Variants in ARFGEF3 observed in about 807,000 individuals in gnomAD.
The protein encoded by ARFGEF3 is ARFGEF family member 3.
In ARFGEF3, 96 loss-of-function variants were observed where a neutral mutation model predicts 221.7. The observed-to-expected ratio is 0.43, with a 90% CI of 0.37 to 0.51. The LOEUF (loss-of-function observed/expected upper bound fraction) is 0.51, where lower values mean the gene tolerates loss of function less well. ARFGEF3 is among the 20% of genes least tolerant of loss of function. The probability of loss-of-function intolerance (pLI) is 0.00; values close to 1 mark genes in which losing one functional copy is unlikely to be tolerated. For synonymous variants in ARFGEF3, 1,145 were observed against 1,126.8 expected (o/e 1.02, Z -0.32); for missense variants, 2,410 against 2,789.9 (o/e 0.86, Z 3.07).
rs766208739 is a variant in ARFGEF3 at position 138,334,063 on chromosome 6, C to A, written c.5217C>A (p.Gly1739=). The change falls in exon 33 of 34, where the codon GGC becomes GGA. Residue 1739 remains glycine (G), a synonymous_variant. Transcript: ENST00000251691. The surrounding 1 kb of genome is among the most constrained non-coding windows in gnomAD (Gnocchi z 5.1). ...YDILLEEFVK[G]PSPGEEKTIQ... The stretch of plus-strand genomic sequence containing the variant: ...TCTTGTTAGAAGAGTTTGTCAAAGG[C>A]CCCTCTCCTGGAGAGGAAAAGACGA... 6 of 1,613,792 alleles carry A rather than the reference C, an allele frequency of 3.7e-6. No homozygotes were observed. The East Asian group carries it at 1.3e-4, about 36-fold the overall frequency.
chr6:138,261,395 A>G (rs576328390), intron 10 of ARFGEF3, 132 bp from the exon 11 acceptor site: 11 of 520,114 alleles, frequency 2.1e-5, no homozygotes, highest in South Asian at 8.1e-5. Flanking sequence ...GGAAGTTCCA[A>G]ATAATTCTGT....
chr6:138,299,275 T>C (rs1442435178), intron 22 of ARFGEF3, among the ~76,000 whole-genome samples: 2 of 146,856 alleles, frequency 1.4e-5, no homozygotes, highest in African/African-American at 5.0e-5. Flanking sequence ...TTGGTGGAGC[T>C]GGGATTTGAA....
intron 4 of ARFGEF3, among the ~76,000 whole-genome samples, chr6:138,212,073 TAA>T (rs1777738050): frequency 6.6e-6 from 1 of 152,252 alleles, no homozygotes; most frequent in Admixed American, 6.5e-5. Context: ...ATTATTTTTT[TAA>T]TTGACAGATA....
intron 5 of ARFGEF3, among the ~76,000 whole-genome samples, chr6:138,231,908 C>T (rs948264681): frequency 3.3e-5 from 5 of 152,156 alleles, no homozygotes; most frequent in Admixed American, 2.6e-4. Context: ...ATTTAACTTG[C>T]TTAATTAAAC....
intron 4 of ARFGEF3, among the ~76,000 whole-genome samples, chr6:138,225,036 G>A (rs1254237339): frequency 6.6e-6 from 1 of 152,082 alleles, no homozygotes; most frequent in African/African-American, 2.4e-5. Flanking sequence ...TGGTACCCAG[G>A]TTTCAAACAC....
In ARFGEF3 at chr6:138,286,744, C is replaced by T; in HGVS notation, c.2613C>T (p.Asn871=). ...ATATTCTGGTGGGCTGCTGGAAGAA[C>T]TTGATCGATACTTTATCAACCCCAC... The part of the protein sequence containing the change: ...ARYILVGCWK[N]LIDTLSTPLT... The change falls in exon 16 of 34, where the codon AAC becomes AAT. Residue 871 remains asparagine, a synonymous_variant. Transcript: ENST00000251691. 1 of 1,614,050 alleles carries T rather than the reference C, an allele frequency of 6.2e-7. No individual in the cohort carries two copies.
At chr6:138,176,007 G>T (rs1776938466) in intron 2 of ARFGEF3, among the ~76,000 whole-genome samples, 1 of 151,768 alleles carries the variant, frequency 6.6e-6, no homozygotes, top group African/African-American at 2.4e-5. Flanking sequence ...GACCTTCTTT[G>T]TCTTTATTGT....
chr6:138,318,133 T>G (rs941667629), intron 27 of ARFGEF3, among the ~76,000 whole-genome samples: 2 of 152,196 alleles, frequency 1.3e-5, no homozygotes, highest in African/African-American at 4.8e-5. Flanking sequence ...TTTCAAAATC[T>G]ATAGCAAAGT....
rs114928489 is a variant in ARFGEF3, at chr6:138,300,558, G to C, written c.3828+1773G>C. Reference sequence around the variant, plus strand: ...AAGAATACCCAGAGTAGTCTTCCTGGTATTTGAGGCTGTTTTTCCTAAAAA... The same window carrying C: ...AAGAATACCCAGAGTAGTCTTCCTGCTATTTGAGGCTGTTTTTCCTAAAAA... On this transcript the variant is annotated intron_variant, in intron 22 of 33. Transcript: ENST00000251691. 3.5e-3 allele frequency among the ~76,000 whole-genome samples: 530 copies of C among 152,288 alleles called. 2 individuals are homozygous for C. The highest frequency in any genetic ancestry group is 0.012 in the African/African-American group (517 of 41,554).
chr6:138,266,910 C>T (rs951583763), intron 12 of ARFGEF3, among the ~76,000 whole-genome samples: 14 of 148,936 alleles, frequency 9.4e-5, no homozygotes, highest in Non-Finnish European at 1.6e-4. Flanking sequence ...CATAAAGCCT[C>T]TCAAGTTGTT....
At chr6:138,311,962 C>A (rs999025539) in intron 25 of ARFGEF3, among the ~76,000 whole-genome samples, 15 of 152,078 alleles carry the variant, frequency 9.9e-5, no homozygotes, top group Non-Finnish European at 2.9e-5. Context: ...TCAAGACCAG[C>A]CTGGACAACA....
At position 138,288,787 on chromosome 6, in the gene ARFGEF3, T is replaced by C. The variant is rs185101932; in HGVS notation, c.2897-1031T>C. On this transcript the variant is annotated intron_variant, in intron 17 of 33. Coordinates refer to ENST00000251691, the MANE Select transcript of ARFGEF3 (RefSeq NM_020340.5). ...GGAGATGGTTTGGATTCCTTTGAGG[T>C]TGGCTTGCTATATTTCTGGGTTCTG... is the stretch of plus-strand genomic sequence containing the variant. 5.8e-4 allele frequency among the ~76,000 whole-genome samples: 89 copies of C among 152,350 alleles called. 2 individuals are homozygous for C. Among genetic ancestry groups the C allele is most frequent in the African/African-American group, 1.9e-3 (77 of 41,580 alleles).
intron 10 of ARFGEF3, among the ~76,000 whole-genome samples, chr6:138,260,911 G>T (rs76880062): frequency 0.014 from 2,200 of 152,140 alleles, 58 homozygotes; most frequent in African/African-American, 0.049. Context: ...CAGGTAAAAT[G>T]GATAAGTCCC....
At chr6:138,200,306 CAG>C (rs1429367947) in intron 2 of ARFGEF3, among the ~76,000 whole-genome samples, 179 of 152,210 alleles carry the variant, frequency 1.2e-3, no homozygotes, top group Non-Finnish European at 3.5e-4. Flanking sequence ...TCATTCTTCA[CAG>C]AGTTACAAGA....
chr6:138,262,846 C>T lies in ARFGEF3; in HGVS notation c.1363C>T (p.Leu455Phe). Residue 455 changes from leucine to phenylalanine, a missense_variant, in exon 12 of 34, where the codon CTT (leucine) becomes TTT (phenylalanine). By Grantham distance (22) the Leu-to-Phe change is conservative. Transcript: ENST00000251691. ...GAGCGAAGGTCAGGTGCAACTGCTG[C>T]TTCTGCGCCTTGAGGAGCTGAAGGA... ...GLSEGQVQLLLLRLEELKDGA... is the reference protein window; with the variant it reads ...GLSEGQVQLLFLRLEELKDGA... The T allele has an allele frequency of 1.2e-6, 2 of 1,614,002 alleles. No individual in the cohort carries two copies. Among genetic ancestry groups the T allele is most frequent in the South Asian group, 1.1e-5 (1 of 91,086 alleles).
chr6:138,296,738 C>G lies in ARFGEF3; in HGVS notation c.3503-72C>G, dbSNP rs879179540. 35 of 1,553,098 alleles carry G rather than the reference C, an allele frequency of 2.3e-5. No individual in the cohort carries two copies. The South Asian group carries it at 3.4e-4, about 15-fold the overall frequency. On this transcript the variant is annotated intron_variant, in intron 20 of 33. Coordinates refer to ENST00000251691, the MANE Select transcript of ARFGEF3 (RefSeq NM_020340.5). ...GGTCCTACCTAGATTTTCAACCTCT[C>G]TCTTTGCTTGAATAGGTCAGACTAT...
chr6:138,307,118 G>A, intron 22 of ARFGEF3, 135 bp from the exon 23 acceptor site: 1 of 822,836 alleles, frequency 1.2e-6, no homozygotes, highest in South Asian at 2.0e-5. Flanking sequence ...TTTTGAGTGA[G>A]TTTGTCTATT....
chr6:138,258,542 C>G (rs1006593518), intron 10 of ARFGEF3, among the ~76,000 whole-genome samples: 11 of 152,124 alleles, frequency 7.2e-5, no homozygotes, highest in African/African-American at 2.7e-4. Context: ...TTCCTCAGAC[C>G]ACTGATCGGG....
intron 4 of ARFGEF3, among the ~76,000 whole-genome samples, chr6:138,211,714 A>C (rs1426683537): frequency 6.6e-6 from 1 of 152,228 alleles, no homozygotes; most frequent in Non-Finnish European, 1.5e-5. Flanking sequence ...AATTAAAATG[A>C]GGAAGTACCC....
Sources: gnomAD v4.1 joint callset for allele counts (sites outside exome capture counted in the v4.1 genomes callset) on GRCh38, gnomAD v4.1.1 for gene constraint, Gnocchi (gnomAD v3.1) non-coding constraint, MANE v1.5 for transcripts, NCBI Gene and HGNC (gene_info 2026-07-23, HGNC 2026-07-21) for gene names.